The following DRAM1 variants were observed in gnomAD, a reference collection of about 807,000 sequenced individuals.
DRAM1 encodes DNA damage-regulated autophagy modulator protein 1.
DRAM1 carries 25 observed loss-of-function variants against 28.5 expected under a neutral mutation model. The ratio of observed to expected loss-of-function variants is 0.88; its 90% confidence interval spans 0.64 to 1.23. The LOEUF (loss-of-function observed/expected upper bound fraction) is 1.23, where lower values mean the gene tolerates loss of function less well. Among genes scored for constraint, DRAM1 ranks in the 50% most tolerant of loss-of-function variants. The pLI is 0.00. For missense variants in DRAM1, 249 were observed against 299.2 expected (o/e 0.83, Z 1.24); for synonymous variants, 113 against 114.2 (o/e 0.99, Z 0.07).
chr12:101,919,010 C>A (rs1201857299), intron 5 of DRAM1, among the ~76,000 whole-genome samples: 2 of 151,926 alleles, frequency 1.3e-5, no homozygotes, highest in Non-Finnish European at 2.9e-5. Flanking sequence ...CAACCTCTAT[C>A]CCCCAGGCTC....
intron 4 of DRAM1, among the ~76,000 whole-genome samples, chr12:101,913,953 A>G (rs1874140029): frequency 6.6e-6 from 1 of 152,124 alleles, no homozygotes; most frequent in Non-Finnish European, 1.5e-5. Context: ...CCGTGTTGTG[A>G]TTTAACTCTC....
chr12:101,910,096 G>C (rs368349396), intron 4 of DRAM1, among the ~76,000 whole-genome samples: 9 of 152,208 alleles, frequency 5.9e-5, no homozygotes, highest in African/African-American at 2.2e-4. Context: ...GTATGATTTT[G>C]GGTTTTCTTC....
chr12:101,898,918 A>T (rs1028481169), intron 2 of DRAM1, among the ~76,000 whole-genome samples: 4 of 152,244 alleles, frequency 2.6e-5, no homozygotes, highest in Non-Finnish European at 5.9e-5. Flanking sequence ...CAACTATTGT[A>T]TAATTAATGT....
intron 4 of DRAM1, among the ~76,000 whole-genome samples, chr12:101,909,136 C>T (rs2121136725): frequency 6.6e-6 from 1 of 152,030 alleles, no homozygotes; most frequent in African/African-American, 2.4e-5. Context: ...TGGCACATGC[C>T]TGTAATCCCA....
intron 6 of DRAM1, 93 bp downstream of exon 6, chr12:101,920,294 TTTC>T: frequency 1.6e-5 from 6 of 372,594 alleles, no homozygotes; most frequent in South Asian, 5.0e-5. Context: ...AAAAGAGCAC[TTTC>T]TTTTTTTTTT....
At chr12:101,914,358 A>T (rs1251932601) in intron 5 of DRAM1, 126 bp downstream of exon 5, 1 of 542,630 alleles carries the variant, frequency 1.8e-6, no homozygotes, top group East Asian at 3.1e-5. Flanking sequence ...TAAACATGGC[A>T]TGTAATCAAT....
At chr12:101,888,786 ATTTTTTTTTTTTTTT>A (rs34825466) in intron 1 of DRAM1, among the ~76,000 whole-genome samples, 10 of 107,940 alleles carry the variant, frequency 9.3e-5, no homozygotes, top group African/African-American at 2.3e-4. Context: ...AAACATCTCA[ATTTTTTTTTTTTTTT>A]TTTTTTTTTT....
chr12:101,886,368 A>G (rs1304732149), intron 1 of DRAM1, among the ~76,000 whole-genome samples: 3 of 152,208 alleles, frequency 2.0e-5, no homozygotes, highest in Non-Finnish European at 4.4e-5. Context: ...AATTGCACGT[A>G]CTTCATTATT....
chr12:101,908,999 C>T (rs536847331), intron 4 of DRAM1, among the ~76,000 whole-genome samples: 4 of 108,528 alleles, frequency 3.7e-5, no homozygotes, highest in South Asian at 2.9e-4. Flanking sequence ...TAGTGGCTCA[C>T]GCCTGTAATC....
chr12:101,902,155 T>C (rs1873630050), intron 3 of DRAM1, among the ~76,000 whole-genome samples: 1 of 152,238 alleles, frequency 6.6e-6, no homozygotes, highest in South Asian at 2.1e-4. Context: ...TTTATGACAG[T>C]ATGCATTTTG....
intron 5 of DRAM1, among the ~76,000 whole-genome samples, chr12:101,916,988 G>C (rs982611695): frequency 6.6e-6 from 1 of 152,260 alleles, no homozygotes; most frequent in African/African-American, 2.4e-5. Flanking sequence ...GATGGAATGA[G>C]AGGAGATACG....
intron 2 of DRAM1, among the ~76,000 whole-genome samples, chr12:101,899,012 C>G (rs938148764): frequency 1.3e-5 from 2 of 152,170 alleles, no homozygotes; most frequent in Non-Finnish European, 2.9e-5. Context: ...TAATCTCCCC[C>G]CAAACAATCA....
chr12:101,893,629 C>T (rs1353557168), intron 1 of DRAM1, among the ~76,000 whole-genome samples: 1 of 152,182 alleles, frequency 6.6e-6, no homozygotes, highest in Non-Finnish European at 1.5e-5. Flanking sequence ...CTCTCTAATA[C>T]CCAATTTCCT....
At chr12:101,893,078 A>T (rs564783597) in intron 1 of DRAM1, among the ~76,000 whole-genome samples, 1 of 152,338 alleles carries the variant, frequency 6.6e-6, no homozygotes, top group Non-Finnish European at 1.5e-5. Context: ...CAGATTTACC[A>T]TGGCAGTATT....
intron 3 of DRAM1, among the ~76,000 whole-genome samples, chr12:101,907,356 A>G (rs889110007): frequency 6.6e-6 from 1 of 151,716 alleles, no homozygotes; most frequent in Non-Finnish European, 1.5e-5. Flanking sequence ...CACCCTTGGC[A>G]CCATCATGGA....
chr12:101,905,348 C>G (rs1241793567), intron 3 of DRAM1, among the ~76,000 whole-genome samples: 2 of 152,140 alleles, frequency 1.3e-5, no homozygotes, highest in African/African-American at 2.4e-5. Context: ...GTGGTGTGAT[C>G]ATGGCTCACT....
intron 4 of DRAM1, among the ~76,000 whole-genome samples, chr12:101,912,908 A>G (rs1413972529): frequency 3.3e-5 from 5 of 151,944 alleles, no homozygotes; most frequent in African/African-American, 1.2e-4. Flanking sequence ...TTGTGTTTTT[A>G]GTAGAGACTG....
At chr12:101,886,797 C>T (rs1424245283) in intron 1 of DRAM1, among the ~76,000 whole-genome samples, 2 of 152,108 alleles carry the variant, frequency 1.3e-5, no homozygotes, top group Admixed American at 6.6e-5. Flanking sequence ...TGACTTAATG[C>T]AATACATATT....
At chr12:101,906,449 G>C (rs1594305844) in intron 3 of DRAM1, among the ~76,000 whole-genome samples, 2 of 152,292 alleles carry the variant, frequency 1.3e-5, no homozygotes, top group East Asian at 3.9e-4. Flanking sequence ...GGCTCTCCTG[G>C]ACAACACTTT....
Sources: allele counts gnomAD v4.1 joint callset (sites outside exome capture counted in the v4.1 genomes callset), GRCh38; gene constraint gnomAD v4.1.1; transcripts MANE v1.5; gene names NCBI Gene and HGNC (gene_info 2026-07-23, HGNC 2026-07-21).